Variants in DPP10 observed in about 807,000 individuals in gnomAD.
The protein encoded by DPP10 is dipeptidyl peptidase like 10.
Under a neutral mutation model 120.9 loss-of-function variants are expected in DPP10, and 33 were observed. That is an observed-to-expected ratio of 0.27 (90% CI 0.21 to 0.37). The LOEUF is 0.37. Among genes scored for constraint, DPP10 ranks in the 10% least tolerant of loss-of-function variants. The probability of loss-of-function intolerance (pLI) is 1.00; values close to 1 mark genes in which losing one functional copy is unlikely to be tolerated. For missense variants in DPP10, 816 were observed against 942.8 expected (o/e 0.87, Z 1.76); for synonymous variants, 337 against 326.1 (o/e 1.03, Z -0.36).
At chr2:114,757,404 G>T (rs2106081171) in intron 1 of DPP10, among the ~76,000 whole-genome samples, 1 of 147,500 alleles carries the variant, frequency 6.8e-6, no homozygotes, top group African/African-American at 2.5e-5. Context: ...GGGAGAGAGA[G>T]AGAGGGAAGG....
chr2:114,571,560 A>T (rs969521258), intron 1 of DPP10, among the ~76,000 whole-genome samples: 2 of 152,148 alleles, frequency 1.3e-5, no homozygotes, highest in Non-Finnish European at 2.9e-5. Context: ...CTCTCATGAT[A>T]TGCCACTTCA....
intron 5 of DPP10, among the ~76,000 whole-genome samples, chr2:115,582,208 C>T (rs556702362): frequency 8.5e-4 from 129 of 152,250 alleles, no homozygotes; most frequent in African/African-American, 2.6e-3. Flanking sequence ...GCTGTCCGCA[C>T]GCACAGTGGC....
At chr2:115,498,402 G>GT (rs1442027223) in intron 3 of DPP10, among the ~76,000 whole-genome samples, 1 of 151,984 alleles carries the variant, frequency 6.6e-6, no homozygotes, top group Non-Finnish European at 1.5e-5. Context: ...CTTTTCGTGT[G>GT]TTTTTGTGGC....
rs184043570 is a variant in DPP10 at position 115,262,524 on chromosome 2, A to G, written c.61-46715A>G. 3.7e-3 allele frequency among the ~76,000 whole-genome samples: 563 copies of G among 152,262 alleles called. 3 individuals carry two copies. The highest frequency in any genetic ancestry group is 0.017 in the Middle Eastern group (5 of 294). ...AAATCTAAAGCAAATATTGATTGTG[A>G]TATGTACATCTACATATTAATATAA... On this transcript the variant is annotated intron_variant, in intron 1 of 25. Coordinates refer to ENST00000410059, the MANE Select transcript of DPP10 (RefSeq NM_020868.6).
intron 1 of DPP10, among the ~76,000 whole-genome samples, chr2:115,195,972 C>A (rs2055235184): frequency 6.6e-6 from 1 of 152,134 alleles, no homozygotes; most frequent in East Asian, 1.9e-4. Context: ...GGAACAGAAG[C>A]AGAGATAAAG....
intron 1 of DPP10, among the ~76,000 whole-genome samples, chr2:114,760,194 C>T (rs1178578821): frequency 6.6e-6 from 1 of 152,112 alleles, no homozygotes; most frequent in Admixed American, 6.6e-5. Flanking sequence ...TGAGCATTGG[C>T]TGCTAATAGT....
At chr2:115,187,203 A>AT (rs1397079407) in intron 1 of DPP10, among the ~76,000 whole-genome samples, 1 of 149,126 alleles carries the variant, frequency 6.7e-6, no homozygotes, top group East Asian at 2.0e-4. Flanking sequence ...CGCCCGGCTA[A>AT]TTTTTTGTAT....
intron 8 of DPP10, among the ~76,000 whole-genome samples, chr2:115,735,724 G>A (rs905753999): frequency 6.6e-5 from 9 of 136,030 alleles, no homozygotes; most frequent in South Asian, 2.3e-4. Context: ...GTAGAGATGC[G>A]GTTTCGCTAT....
At chr2:114,702,732 T>A (rs1265081967) in intron 1 of DPP10, among the ~76,000 whole-genome samples, 1 of 152,170 alleles carries the variant, frequency 6.6e-6, no homozygotes, top group Non-Finnish European at 1.5e-5. Context: ...CTGGCATTTA[T>A]CAGGCACAGG....
At chr2:114,453,149 C>T (rs1397509726) in intron 1 of DPP10, among the ~76,000 whole-genome samples, 2 of 152,112 alleles carry the variant, frequency 1.3e-5, no homozygotes, top group African/African-American at 4.8e-5. Flanking sequence ...CCACAGAGAT[C>T]AGCAAAATAG....
At position 114,474,225 on chromosome 2, in the gene DPP10, G is replaced by A. The variant is rs371087553; in HGVS notation, c.60+31387G>A. On this transcript the variant is annotated intron_variant, in intron 1 of 25. Coordinates refer to ENST00000410059, the MANE Select transcript of DPP10 (RefSeq NM_020868.6). The stretch of plus-strand genomic sequence containing the variant: ...CCCGCCTTGGCCTCCCAAAGTGCTG[G>A]GACTGTAGGCATGAGCCATTGCGCC... 1.6e-4 allele frequency among the ~76,000 whole-genome samples: 24 copies of A among 152,260 alleles called. No homozygotes were observed. In the East Asian group the frequency reaches 4.4e-3, roughly 28 times the overall value.
At chr2:114,957,968 T>A (rs1361510785) in intron 1 of DPP10, among the ~76,000 whole-genome samples, 1 of 152,076 alleles carries the variant, frequency 6.6e-6, no homozygotes, top group Non-Finnish European at 1.5e-5. Flanking sequence ...AAAGGGGAGA[T>A]GTAGATCAAA....
chr2:114,807,980 A>T (rs760943336), intron 1 of DPP10, among the ~76,000 whole-genome samples: 6 of 152,198 alleles, frequency 3.9e-5, no homozygotes, highest in Non-Finnish European at 5.9e-5. Flanking sequence ...TATTAACATA[A>T]CCTGGGCTTC....
intron 1 of DPP10, among the ~76,000 whole-genome samples, chr2:114,989,345 A>G (rs988030533): frequency 3.3e-5 from 5 of 152,194 alleles, no homozygotes; most frequent in South Asian, 4.1e-4. Context: ...AGAAGATCAC[A>G]TAAGACCTGG....
chr2:114,658,436 G>A (rs1697127457), intron 1 of DPP10, among the ~76,000 whole-genome samples: 1 of 152,086 alleles, frequency 6.6e-6, no homozygotes, highest in Non-Finnish European at 1.5e-5. Context: ...CAGATGTTAA[G>A]TTTTTATTAT....
chr2:115,426,839 C>T (rs1440576233), intron 3 of DPP10, among the ~76,000 whole-genome samples: 1 of 152,196 alleles, frequency 6.6e-6, no homozygotes, highest in Non-Finnish European at 1.5e-5. Flanking sequence ...TCTTAACTCA[C>T]TCAAGAGTTA....
intron 2 of DPP10, among the ~76,000 whole-genome samples, chr2:115,316,299 C>T (rs2061789380): frequency 6.6e-6 from 1 of 152,140 alleles, no homozygotes; most frequent in African/African-American, 2.4e-5. Flanking sequence ...GCACTTTTAG[C>T]TTTGACATGT....
At chr2:114,858,273 A>T (rs942711358) in intron 1 of DPP10, among the ~76,000 whole-genome samples, 1 of 152,100 alleles carries the variant, frequency 6.6e-6, no homozygotes, top group African/African-American at 2.4e-5. Context: ...ACAGGCATGA[A>T]CCACTGTGCC....
At chr2:114,941,240 A>G (rs1239304144) in intron 1 of DPP10, among the ~76,000 whole-genome samples, 2 of 152,322 alleles carry the variant, frequency 1.3e-5, no homozygotes, top group Admixed American at 1.3e-4. Flanking sequence ...TCTGAGTGAC[A>G]TGTGTCTTAG....
Sources: allele counts gnomAD v4.1 joint callset (sites outside exome capture counted in the v4.1 genomes callset), GRCh38; gene constraint gnomAD v4.1.1; transcripts MANE v1.5; gene names NCBI Gene and HGNC (gene_info 2026-07-23, HGNC 2026-07-21).